Variants in STPG2 observed in about 807,000 individuals in gnomAD.
The protein encoded by STPG2 is sperm-tail PG-rich repeat-containing protein 2.
In STPG2, 56 loss-of-function variants were observed where a neutral mutation model predicts 54.2. The observed-to-expected ratio is 1.03, with a 90% confidence interval of 0.83 to 1.29. The LOEUF (loss-of-function observed/expected upper bound fraction) is 1.29, where lower values mean the gene tolerates loss of function less well. STPG2 is among the 50% of genes most tolerant of loss of function. STPG2 has a pLI of 0.00. For missense variants in STPG2, 596 were observed against 544.9 expected, an observed-to-expected ratio of 1.09 and a Z score of -0.93; for synonymous variants, 200 against 181.8, an observed-to-expected ratio of 1.10 and a Z score of -0.81.
intron 4 of STPG2, among the ~76,000 whole-genome samples, chr4:97,452,452 G>A (rs1410026011): frequency 6.6e-6 from 1 of 152,104 alleles, no homozygotes; most frequent in Admixed American, 6.5e-5. Flanking sequence ...ACAAACTAGA[G>A]TGGGAACTTG....
At chr4:97,925,990 C>A (rs985654872) in intron 8 of STPG2, among the ~76,000 whole-genome samples, 10 of 152,158 alleles carry the variant, frequency 6.6e-5, no homozygotes, top group African/African-American at 2.4e-4. Flanking sequence ...AGTGTTCCTT[C>A]ACCTTTTCAG....
At chr4:98,043,945 C>A (rs1407089043) in intron 5 of STPG2, among the ~76,000 whole-genome samples, 1 of 151,800 alleles carries the variant, frequency 6.6e-6, no homozygotes, top group Non-Finnish European at 1.5e-5. Context: ...TCAAGTAGGC[C>A]CCAGTGTCTG....
At chr4:97,717,183 G>GA (rs1319280716) in intron 9 of STPG2, among the ~76,000 whole-genome samples, 4 of 151,992 alleles carry the variant, frequency 2.6e-5, no homozygotes, top group Non-Finnish European at 5.9e-5. Flanking sequence ...ATAGGTAAGA[G>GA]AAAAAAGAGT....
chr4:97,967,420 C>A (rs1734145913), intron 7 of STPG2, among the ~76,000 whole-genome samples: 1 of 152,110 alleles, frequency 6.6e-6, no homozygotes, highest in Admixed American at 6.6e-5. Context: ...GAGACTTGAA[C>A]ACCCCACTGT....
chr4:97,689,543 T>G (rs868475994), intron 10 of STPG2, among the ~76,000 whole-genome samples: 1 of 152,226 alleles, frequency 6.6e-6, no homozygotes, highest in Middle Eastern at 3.4e-3. Flanking sequence ...GATTGACATT[T>G]TATATGACTA....
intron 4 of STPG2, among the ~76,000 whole-genome samples, chr4:97,528,694 C>T (rs1366560522): frequency 6.6e-6 from 1 of 152,080 alleles, no homozygotes; most frequent in Non-Finnish European, 1.5e-5. Context: ...GTTTGTAGTT[C>T]TCCTTAAAGA....
At chr4:97,715,008 T>C (rs1032588047) in intron 9 of STPG2, among the ~76,000 whole-genome samples, 1 of 152,140 alleles carries the variant, frequency 6.6e-6, no homozygotes, top group Non-Finnish European at 1.5e-5. Flanking sequence ...TCAAATGTAA[T>C]TGTAGATTTC....
chr4:97,632,836 T>C (rs570898997), intron 10 of STPG2, among the ~76,000 whole-genome samples: 116 of 152,288 alleles, frequency 7.6e-4, no homozygotes, highest in African/African-American at 2.6e-3. Flanking sequence ...AGTAAGCTTA[T>C]ATCCTATAAT....
intron 5 of STPG2, among the ~76,000 whole-genome samples, chr4:98,059,134 T>C (rs1325769289): frequency 2.6e-5 from 4 of 151,592 alleles, no homozygotes; most frequent in African/African-American, 9.7e-5. Flanking sequence ...AGGATCCAAA[T>C]AAACATAATT....
At chr4:98,089,844 C>G (rs1173281597) in intron 5 of STPG2, among the ~76,000 whole-genome samples, 1 of 151,458 alleles carries the variant, frequency 6.6e-6, no homozygotes, top group East Asian at 1.9e-4. Flanking sequence ...ATTTGTCTAT[C>G]TTCTTTTGAT....
chr4:97,476,916 T>C (rs1159961254), intron 4 of STPG2, among the ~76,000 whole-genome samples: 1 of 152,214 alleles, frequency 6.6e-6, no homozygotes, highest in East Asian at 1.9e-4. Context: ...CTGACACTTT[T>C]CCAAATGACA....
chr4:97,493,858 A>C (rs1231301777), intron 4 of STPG2, among the ~76,000 whole-genome samples: 4 of 151,574 alleles, frequency 2.6e-5, no homozygotes, highest in Non-Finnish European at 4.4e-5. Flanking sequence ...CCCTAGTGAA[A>C]AAGGACTCTT....
intron 4 of STPG2, among the ~76,000 whole-genome samples, chr4:97,492,832 A>ATTTTGGAAG (rs1275526711): frequency 6.6e-6 from 1 of 150,794 alleles, no homozygotes; most frequent in African/African-American, 2.4e-5. Context: ...GTATTATACT[A>ATTTTGGAAG]TATATTTTGG....
intron 9 of STPG2, among the ~76,000 whole-genome samples, chr4:97,775,802 C>T (rs2149066151): frequency 6.6e-6 from 1 of 152,278 alleles, no homozygotes; most frequent in East Asian, 1.9e-4. Context: ...GAGTCTTACT[C>T]CAAGGCTAGA....
At chr4:97,452,673 T>G (rs553458655) in intron 4 of STPG2, among the ~76,000 whole-genome samples, 1 of 152,282 alleles carries the variant, frequency 6.6e-6, no homozygotes, top group South Asian at 2.1e-4. Context: ...GGACCGCCTA[T>G]CTGCTGAGAG....
intron 5 of STPG2, among the ~76,000 whole-genome samples, chr4:98,020,661 G>A (rs1031093364): frequency 6.6e-6 from 1 of 152,094 alleles, no homozygotes; most frequent in African/African-American, 2.4e-5. Flanking sequence ...ACTCTTTTTG[G>A]TTGGTAAGCT....
intron 10 of STPG2, among the ~76,000 whole-genome samples, chr4:97,571,098 A>C (rs140442384): frequency 0.018 from 2,771 of 152,134 alleles, 34 homozygotes; most frequent in Non-Finnish European, 0.027. Flanking sequence ...TGGATGGTAT[A>C]GTATTTAAAT....
At chr4:97,520,208 A>C (rs1249499682) in intron 4 of STPG2, among the ~76,000 whole-genome samples, 2 of 152,028 alleles carry the variant, frequency 1.3e-5, no homozygotes, top group African/African-American at 4.8e-5. Context: ...ATAGAGGAGA[A>C]AATGAGCTAA....
intron 9 of STPG2, among the ~76,000 whole-genome samples, chr4:97,769,331 G>A (rs145079574): frequency 2.4e-4 from 37 of 152,222 alleles, no homozygotes; most frequent in African/African-American, 8.4e-4. Context: ...AGCAATGGGC[G>A]GCTTCAATCA....
Sources: gnomAD v4.1 joint callset for allele counts (sites outside exome capture counted in the v4.1 genomes callset) on GRCh38, gnomAD v4.1.1 for gene constraint, MANE v1.5 for transcripts, NCBI Gene and HGNC (gene_info 2026-07-23, HGNC 2026-07-21) for gene names.